Variants in PTPRT observed in about 807,000 individuals in gnomAD.
The protein encoded by PTPRT is receptor-type tyrosine-protein phosphatase T.
PTPRT carries 56 observed loss-of-function variants against 176.8 expected under a neutral mutation model. The observed-to-expected ratio is 0.32, with a 90% CI of 0.26 to 0.40. The LOEUF is 0.40. Ranked by LOEUF, PTPRT falls within the 10% of genes least tolerant of loss-of-function variation. PTPRT has a pLI of 1.00. For synonymous variants in PTPRT, 783 were observed against 739.0 expected (o/e 1.06, Z -0.96); for missense variants, 1,540 against 1,908.2 (o/e 0.81, Z 3.60).
chr20:42,596,047 C>A (rs2073665216), intron 7 of PTPRT, among the ~76,000 whole-genome samples: 1 of 152,118 alleles, frequency 6.6e-6, no homozygotes. Context: ...GAGCCTCCAA[C>A]AATAATTTAT....
chr20:42,889,080 C>T (rs1004751422), intron 1 of PTPRT, among the ~76,000 whole-genome samples: 4 of 152,092 alleles, frequency 2.6e-5, no homozygotes, highest in Non-Finnish European at 5.9e-5. Flanking sequence ...CATTGCCCAC[C>T]CCTCACCTCC....
At chr20:42,461,724 T>C (rs543666812) in intron 8 of PTPRT, among the ~76,000 whole-genome samples, 3 of 152,302 alleles carry the variant, frequency 2.0e-5, no homozygotes, top group Non-Finnish European at 4.4e-5. Context: ...GACTTGAAGG[T>C]CATAGGTGAT....
intron 24 of PTPRT, 141 bp downstream of exon 24, chr20:42,106,645 C>A: frequency 8.8e-7 from 1 of 1,141,846 alleles, no homozygotes; most frequent in Non-Finnish European, 1.2e-6. Flanking sequence ...TAGTAAGCCA[C>A]GTGTCTACTC....
intron 9 of PTPRT, among the ~76,000 whole-genome samples, chr20:42,362,242 C>T (rs1357033362): frequency 1.3e-5 from 2 of 151,688 alleles, no homozygotes; most frequent in Non-Finnish European, 2.9e-5. Context: ...ACTCCAGCTT[C>T]GGTGACAGAG....
intron 1 of PTPRT, among the ~76,000 whole-genome samples, chr20:43,175,305 C>G (rs911775653): frequency 2.0e-5 from 3 of 152,258 alleles, no homozygotes; most frequent in Non-Finnish European, 4.4e-5. Context: ...TTCCCTTCTT[C>G]TGCATGATGC....
chr20:42,528,370 G>A lies in PTPRT; in HGVS notation c.1154-55808C>T, dbSNP rs114781321. On this transcript the variant is annotated intron_variant, in intron 7 of 30. Coordinates refer to ENST00000373187, the MANE Select transcript of PTPRT (RefSeq NM_007050.6). ...CCCAATACTGCTCACAGTGTCTGGC[G>A]TATACTAGATGTTCAATAAGTATGT... 2.2e-3 allele frequency among the ~76,000 whole-genome samples: 329 copies of A among 151,148 alleles called. 2 individuals are homozygous for A. Among genetic ancestry groups the A allele is most frequent in the Middle Eastern group, 0.01 (3 of 294 alleles).
At chr20:42,674,419 T>A (rs747546520) in intron 7 of PTPRT, among the ~76,000 whole-genome samples, 1 of 152,234 alleles carries the variant, frequency 6.6e-6, no homozygotes, top group Non-Finnish European at 1.5e-5. Flanking sequence ...TAAATCTTTA[T>A]TGAGATGATC....
intron 11 of PTPRT, among the ~76,000 whole-genome samples, chr20:42,336,438 G>C (rs971029039): frequency 6.6e-6 from 1 of 152,010 alleles, no homozygotes; most frequent in Admixed American, 6.6e-5. Context: ...GGGGAGGGGG[G>C]GTTGTAAATG....
At chr20:42,291,132 A>C (rs576434155) in intron 12 of PTPRT, among the ~76,000 whole-genome samples, 2 of 152,234 alleles carry the variant, frequency 1.3e-5, no homozygotes, top group African/African-American at 4.8e-5. Flanking sequence ...TAGTTTCCCC[A>C]GTAACTTTGA....
chr20:42,370,381 C>A (rs1312331987), intron 9 of PTPRT, among the ~76,000 whole-genome samples: 3 of 152,146 alleles, frequency 2.0e-5, no homozygotes, highest in Non-Finnish European at 4.4e-5. Flanking sequence ...TCAGGTATAC[C>A]ATGCTGCCCT....
chr20:42,775,098 G>C (rs2077116084), intron 4 of PTPRT, among the ~76,000 whole-genome samples: 1 of 152,276 alleles, frequency 6.6e-6, no homozygotes, highest in Non-Finnish European at 1.5e-5. Context: ...GTGGTTCTAA[G>C]CATTTCCTAC....
At chr20:42,123,562 T>A (rs1480036857) in intron 19 of PTPRT, among the ~76,000 whole-genome samples, 1 of 152,164 alleles carries the variant, frequency 6.6e-6, no homozygotes, top group Non-Finnish European at 1.5e-5. Context: ...TAAACCTAGT[T>A]TGGGCATCTT....
At chr20:42,942,759 C>T (rs1600579061) in intron 1 of PTPRT, among the ~76,000 whole-genome samples, 2 of 152,188 alleles carry the variant, frequency 1.3e-5, no homozygotes, top group African/African-American at 4.8e-5. Context: ...ATTTTATCCT[C>T]GAAATAGGGA....
chr20:42,593,360 C>T (rs1430333847), intron 7 of PTPRT, among the ~76,000 whole-genome samples: 3 of 152,194 alleles, frequency 2.0e-5, no homozygotes, highest in Non-Finnish European at 4.4e-5. Context: ...ACTCCTATTT[C>T]ACCTCCCTGA....
intron 1 of PTPRT, among the ~76,000 whole-genome samples, chr20:43,081,529 A>G: frequency 6.6e-6 from 1 of 152,206 alleles, no homozygotes; most frequent in East Asian, 1.9e-4. Context: ...CAGTCTCTCT[A>G]GAGGCAAATC....
chr20:42,502,047 A>G (rs1388568917), intron 7 of PTPRT, among the ~76,000 whole-genome samples: 1 of 152,084 alleles, frequency 6.6e-6, no homozygotes, highest in African/African-American at 2.4e-5. Flanking sequence ...CATTTTGAGA[A>G]GATTTTCAAT....
intron 4 of PTPRT, among the ~76,000 whole-genome samples, chr20:42,776,834 T>C (rs2077144120): frequency 6.7e-6 from 1 of 148,728 alleles, no homozygotes; most frequent in African/African-American, 2.4e-5. Context: ...TTATATAATA[T>C]ATACTTCTAT....
At chr20:42,780,144 G>C (rs745991985) in intron 4 of PTPRT, 74 bp downstream of exon 4, 3 of 1,177,076 alleles carry the variant, frequency 2.5e-6, no homozygotes, top group Non-Finnish European at 2.5e-6. Context: ...TGAATGAATG[G>C]AAGGGATTGC....
chr20:43,125,299 C>T (rs1284776196), intron 1 of PTPRT, among the ~76,000 whole-genome samples: 1 of 152,038 alleles, frequency 6.6e-6, no homozygotes, highest in Non-Finnish European at 1.5e-5. Flanking sequence ...CGTGCTGGGC[C>T]AGATTTGGGA....
Sources: allele counts gnomAD v4.1 joint callset (sites outside exome capture counted in the v4.1 genomes callset), GRCh38; gene constraint gnomAD v4.1.1; transcripts MANE v1.5; gene names NCBI Gene and HGNC (gene_info 2026-07-23, HGNC 2026-07-21).